UBE2D4: variants seen among roughly 807,000 people sequenced by gnomAD.
The protein encoded by UBE2D4 is ubiquitin conjugating enzyme E2 D4.
UBE2D4 carries 17 observed loss-of-function variants against 23.0 expected under a neutral mutation model. The observed-to-expected ratio is 0.74, with a 90% CI of 0.51 to 1.11. The LOEUF is 1.11. Ranked by LOEUF, UBE2D4 falls within the 50% of genes least tolerant of loss-of-function variation. UBE2D4 has a pLI of 0.00. For missense variants in UBE2D4, 139 were observed against 181.8 expected (o/e 0.76, Z 1.35); for synonymous variants, 61 against 69.4 (o/e 0.88, Z 0.60).
Position 43,926,504 on chromosome 7 carries a change from G to A in UBE2D4, c.-29G>A. The stretch of plus-strand genomic sequence containing the variant: ...GGCCGCCTCAGGCAGCCCCGGCCGG[G>A]CCGCCCGGGTCCCCGGCAGCGGGGT... On this transcript the variant is annotated 5_prime_UTR_variant, in exon 1 of 7. Coordinates refer to ENST00000222402, the MANE Select transcript of UBE2D4 (RefSeq NM_015983.4). 2.0e-6 allele frequency: 3 copies of A among 1,510,364 alleles called. No individual in the cohort carries two copies. The highest frequency in any genetic ancestry group is 2.7e-6 in the Non-Finnish European group (3 of 1,129,738). 93.6% of individuals were successfully genotyped at this position (1,510,364 alleles called of 1,614,324 possible).
At chr7:43,938,605 G>A (rs1439851849) in intron 2 of UBE2D4, 111 bp downstream of exon 2, 14 of 1,038,548 alleles carry the variant, frequency 1.3e-5, no homozygotes, top group Non-Finnish European at 1.9e-5. Flanking sequence ...GGAAGCCAAG[G>A]TGGGTGGATC....
intron 1 of UBE2D4, among the ~76,000 whole-genome samples, chr7:43,936,019 C>T (rs961407610): frequency 1.3e-5 from 2 of 152,206 alleles, no homozygotes; most frequent in Non-Finnish European, 2.9e-5. Context: ...GTTATAGGCA[C>T]ATGCCACCAA....
At chr7:43,936,228 G>A (rs116634948) in intron 1 of UBE2D4, among the ~76,000 whole-genome samples, 1,944 of 152,080 alleles carry the variant, frequency 0.013, 42 homozygotes, top group African/African-American at 0.045. Context: ...AAGCATTTGT[G>A]TTAGTTTATT....
chr7:43,936,912 G>T (rs1585863657), intron 1 of UBE2D4, among the ~76,000 whole-genome samples: 1 of 152,312 alleles, frequency 6.6e-6, no homozygotes, highest in African/African-American at 2.4e-5. Context: ...TAACCCTGAG[G>T]TGAGCACAGG....
rs1287826662 is a variant in UBE2D4 at position 43,944,804 on chromosome 7, C to G, written c.198+1773C>G. On this transcript the variant is annotated intron_variant, in intron 4 of 6. Coordinates refer to ENST00000222402, the MANE Select transcript of UBE2D4 (RefSeq NM_015983.4). This position sits in a 1 kb window ranked among gnomAD's most constrained non-coding sequence, Gnocchi z 4.0. Reference sequence around the variant, plus strand: ...TGATCCACCCCTTCTCCCTTCCCCTCTGGAGAGACTGTGGCAGAGTCTTAT... The same window carrying G: ...TGATCCACCCCTTCTCCCTTCCCCTGTGGAGAGACTGTGGCAGAGTCTTAT... 2 of 152,180 alleles carry G rather than the reference C, an allele frequency of 1.3e-5. No homozygotes were observed. Among genetic ancestry groups the G allele is most frequent in the Non-Finnish European group, 2.9e-5 (2 of 68,036 alleles). The allele number at this position is 152,180 out of a possible 1,614,324, so 9.4% of individuals were successfully genotyped here. A position where few individuals can be genotyped will look rare whatever the true frequency, so the allele number is the denominator to read the frequency against.
Position 43,953,655 on chromosome 7 carries a change from C to CCTGTTAGGTGATCGG in UBE2D4, c.*963_*977dup, listed in dbSNP as rs2096007813. 1.9e-5 allele frequency: 3 copies of CCTGTTAGGTGATCGG among 157,986 alleles called. No homozygotes were observed. The highest frequency in any genetic ancestry group is 4.2e-5 in the Non-Finnish European group (3 of 71,164). The allele number at this position is 157,986 out of a possible 1,614,324, so 9.8% of individuals were successfully genotyped here. On this transcript the variant is annotated 3_prime_UTR_variant, in exon 7 of 7. Coordinates refer to ENST00000222402, the MANE Select transcript of UBE2D4 (RefSeq NM_015983.4). ...TATTTGAAGCCTTAAATTACAATAG[C>CCTGTTAGGTGATCGG]CTGTTAGGTGATCGGCTTTCTGCCT...
Position 43,953,150 on chromosome 7 carries a change from G to A in UBE2D4, c.*455G>A, listed in dbSNP as rs2096006744. Reference sequence around the variant, plus strand: ...GCCCAGGGCAGAGCAGGCTTTGTTCGCACCTCATCTGCTGCAGAACCACAT... The same window carrying A: ...GCCCAGGGCAGAGCAGGCTTTGTTCACACCTCATCTGCTGCAGAACCACAT... On this transcript the variant is annotated 3_prime_UTR_variant, in exon 7 of 7. Coordinates refer to ENST00000222402, the MANE Select transcript of UBE2D4 (RefSeq NM_015983.4). The A allele has an allele frequency of 6.6e-6, 3 of 456,710 alleles. No individual in the cohort carries two copies. Among genetic ancestry groups the A allele is most frequent in the Admixed American group, 2.4e-5 (1 of 42,552 alleles). 28.3% of individuals were successfully genotyped at this position (456,710 alleles called of 1,614,324 possible). A position where few individuals can be genotyped will look rare whatever the true frequency, so the allele number is the denominator to read the frequency against.
At chr7:43,933,013 T>TATATATATATATATATATATACAC (rs1340458201) in intron 1 of UBE2D4, among the ~76,000 whole-genome samples, 5 of 116,646 alleles carry the variant, frequency 4.3e-5, no homozygotes, top group African/African-American at 1.7e-4. Context: ...TATATATATA[T>TATATATATATATATATATATACAC]ACACACACAT....
At chr7:43,932,728 G>C (rs568540672) in intron 1 of UBE2D4, among the ~76,000 whole-genome samples, 44 of 152,050 alleles carry the variant, frequency 2.9e-4, no homozygotes, top group African/African-American at 1.0e-3. Context: ...AGGAGATGGA[G>C]GTTGCAGTGA....
At chr7:43,933,107 CATAT>C (rs1240203167) in intron 1 of UBE2D4, among the ~76,000 whole-genome samples, 3 of 144,006 alleles carry the variant, frequency 2.1e-5, no homozygotes, top group East Asian at 2.0e-4. Flanking sequence ...ATATATATAA[CATAT>C]ATACTTATAT....
chr7:43,945,564 G>A (rs1245244822), intron 4 of UBE2D4, among the ~76,000 whole-genome samples: 1 of 152,134 alleles, frequency 6.6e-6, no homozygotes, highest in Non-Finnish European at 1.5e-5. Context: ...TGATTTTGAA[G>A]TTTGACCCTT....
intron 1 of UBE2D4, among the ~76,000 whole-genome samples, chr7:43,927,484 T>C (rs1247283569): frequency 2.0e-5 from 3 of 152,172 alleles, no homozygotes; most frequent in African/African-American, 2.4e-5. Context: ...TGTTTATTTT[T>C]TGTAGAGACA....
At position 43,954,394 on chromosome 7, in the gene UBE2D4, A is replaced by C. The variant is rs572272253; in HGVS notation, c.*1699A>C. 1 of 151,084 alleles carries C rather than the reference A, an allele frequency of 6.6e-6. No homozygotes were observed. Among genetic ancestry groups the C allele is most frequent in the South Asian group, 2.1e-4 (1 of 4,794 alleles). 9.4% of individuals were successfully genotyped at this position (151,084 alleles called of 1,614,324 possible). A position where few individuals can be genotyped will look rare whatever the true frequency, so the allele number is the denominator to read the frequency against. On this transcript the variant is annotated 3_prime_UTR_variant, in exon 7 of 7. Coordinates refer to ENST00000222402, the MANE Select transcript of UBE2D4 (RefSeq NM_015983.4). ...GCAATTCTCCTGCCTCAGCCTCCCA[A>C]GTAGCCGGAATTACAGGCATGTGCC...
chr7:43,950,330 TG>T (rs200106999), intron 5 of UBE2D4, among the ~76,000 whole-genome samples: 2,841 of 147,156 alleles, frequency 0.019, 61 homozygotes, highest in South Asian at 0.1. Flanking sequence ...GAGACTAAGA[TG>T]GGGTGCTTCA....
At chr7:43,939,125 G>A (rs2095965245) in intron 2 of UBE2D4, among the ~76,000 whole-genome samples, 1 of 152,214 alleles carries the variant, frequency 6.6e-6, no homozygotes, top group African/African-American at 2.4e-5. Context: ...TTGGGTGCTG[G>A]TGTAAATATT....
At chr7:43,939,838 G>C (rs1488995999) in intron 2 of UBE2D4, among the ~76,000 whole-genome samples, 1 of 152,140 alleles carries the variant, frequency 6.6e-6, no homozygotes, top group Non-Finnish European at 1.5e-5. Context: ...CGGTAGATGA[G>C]AGATTACCTG....
rs1165260158 is a variant in UBE2D4, at chr7:43,955,132, C to T, written c.*2437C>T. ...CTGCTTGCCATGTCTTTGAGGGGTT[C>T]AGGTCAGCCTGGAGAACAGGCTCCT... On this transcript the variant is annotated 3_prime_UTR_variant, in exon 7 of 7. Coordinates refer to ENST00000222402, the MANE Select transcript of UBE2D4 (RefSeq NM_015983.4). 3 of 152,164 alleles carry T rather than the reference C, an allele frequency of 2.0e-5. No individual in the cohort carries two copies. Among genetic ancestry groups the T allele is most frequent in the African/African-American group, 2.4e-5 (1 of 41,434 alleles). The allele number at this position is 152,164 out of a possible 1,614,324, so 9.4% of individuals were successfully genotyped here.
chr7:43,931,852 C>CT (rs1045435791), intron 1 of UBE2D4, among the ~76,000 whole-genome samples: 2 of 151,670 alleles, frequency 1.3e-5, no homozygotes, highest in Admixed American at 6.6e-5. Flanking sequence ...TGCCTGGCTA[C>CT]TTTTTTTTGT....
chr7:43,929,017 G>T (rs1302285771), intron 1 of UBE2D4, among the ~76,000 whole-genome samples: 1 of 152,192 alleles, frequency 6.6e-6, no homozygotes, highest in East Asian at 1.9e-4. Context: ...GACAGGCTGG[G>T]TACAGTGGCT....
Sources: allele counts gnomAD v4.1 joint callset (sites outside exome capture counted in the v4.1 genomes callset), GRCh38; gene constraint gnomAD v4.1.1; non-coding constraint Gnocchi (gnomAD v3.1); transcripts MANE v1.5; gene names NCBI Gene and HGNC (gene_info 2026-07-23, HGNC 2026-07-21).